RPS27A: variants seen among roughly 807,000 people sequenced by gnomAD.
RPS27A encodes the protein ubiquitin-ribosomal protein eS31 fusion protein.
Under a neutral mutation model 18.9 loss-of-function variants are expected in RPS27A, and 1 was observed. The ratio of observed to expected loss-of-function variants is 0.05; its 90% confidence interval spans 0.02 to 0.25. The LOEUF (loss-of-function observed/expected upper bound fraction) is 0.25. Ranked by LOEUF, RPS27A falls within the 10% of genes least tolerant of loss-of-function variation. The probability of loss-of-function intolerance (pLI) is 1.00; values close to 1 mark genes in which losing one functional copy is unlikely to be tolerated. For synonymous variants in RPS27A, 77 were observed against 63.7 expected (o/e 1.21, Z -0.99); for missense variants, 123 against 187.4 (o/e 0.66, Z 2.01).
At chr2:55,232,592 G>A, upstream of RPS27A, 1 of 593,152 alleles carries the variant, frequency 1.7e-6, no homozygotes, top group Non-Finnish European at 3.0e-6. Flanking sequence ...TTGGATTGTC[G>A]CTGGGACGGC....
chr2:55,233,278 G>C (rs1675587683), intron 2 of RPS27A, 85 bp from the exon 3 acceptor site: 1 of 1,148,938 alleles, frequency 8.7e-7, no homozygotes, highest in Non-Finnish European at 1.3e-6. Context: ...TCGCTGGTTC[G>C]GTTCAGTGGT....
At chr2:55,234,720 C>G in intron 4 of RPS27A, 111 bp from the exon 5 acceptor site, 1 of 1,259,852 alleles carries the variant, frequency 7.9e-7, no homozygotes. Context: ...CTGCAAGATT[C>G]CCTCAAATGT....
At chr2:55,235,363 G>T in intron 5 of RPS27A, 65 bp from the exon 6 acceptor site, 2 of 1,565,708 alleles carry the variant, frequency 1.3e-6, no homozygotes, top group Non-Finnish European at 8.8e-7. Flanking sequence ...AATATTTTGA[G>T]TCACTTAAAT....
intron 4 of RPS27A, 160 bp from the exon 5 acceptor site, chr2:55,234,671 C>A: frequency 1.3e-6 from 1 of 786,126 alleles, no homozygotes; most frequent in Non-Finnish European, 2.1e-6. Context: ...TCCCTATAAA[C>A]TGTCAGTTAA....
chr2:55,234,620 C>CT (rs1675699735), intron 4 of RPS27A: 1 of 610,828 alleles, frequency 1.6e-6, no homozygotes, highest in African/African-American at 1.8e-5. Flanking sequence ...ATGAATTTTG[C>CT]AAGTTGTATC....
rs1014530971 is a variant in RPS27A at position 55,233,087 on chromosome 2, G to A, written c.48+215G>A. 6 of 650,374 alleles carry A rather than the reference G, an allele frequency of 9.2e-6. No homozygotes were observed. In the African/African-American group the frequency reaches 1.1e-4, roughly 12 times the overall value. 40.3% of individuals were successfully genotyped at this position (650,374 alleles called of 1,614,324 possible). On this transcript the variant is annotated intron_variant, in intron 2 of 5. Coordinates refer to ENST00000272317, the MANE Select transcript of RPS27A (RefSeq NM_002954.6). Reference sequence around the variant, plus strand: ...GTCTCCTCTCGAGGGGTTCCAGCTAGTTAGTTAAAACGGAGGAGCTGCGGT... The same window carrying A: ...GTCTCCTCTCGAGGGGTTCCAGCTAATTAGTTAAAACGGAGGAGCTGCGGT...
chr2:55,233,585 G>A, intron 3 of RPS27A, 168 bp downstream of exon 3: 2 of 657,382 alleles, frequency 3.0e-6, no homozygotes, highest in Non-Finnish European at 2.8e-6. Flanking sequence ...ACAGTACCTA[G>A]ATTGGAATCC....
chr2:55,235,214 A>G (rs1675728429), intron 5 of RPS27A: 1 of 694,338 alleles, frequency 1.4e-6, no homozygotes, highest in Admixed American at 2.7e-5. Flanking sequence ...TTTGTCTACC[A>G]CTTGCAAAGC....
chr2:55,235,078 G>C (rs1022028112), intron 5 of RPS27A, 116 bp downstream of exon 5: 1 of 1,161,502 alleles, frequency 8.6e-7, no homozygotes, highest in Non-Finnish European at 1.2e-6. Context: ...ATCCCACTTT[G>C]GTTTAAATGA....
chr2:55,233,424 A>T lies in RPS27A; in HGVS notation c.103+7A>T. ...AAGATCCAGGATAAGGAAGGCAAGTAGTATTTTGTAGTTAAGAAAACTTAA... is the reference window on the plus strand; with the variant it reads ...AAGATCCAGGATAAGGAAGGCAAGTTGTATTTTGTAGTTAAGAAAACTTAA... On this transcript the variant is annotated splice_region_variant and intron_variant, in intron 3 of 5. Coordinates refer to ENST00000272317, the MANE Select transcript of RPS27A (RefSeq NM_002954.6). 1.2e-6 allele frequency: 2 copies of T among 1,608,912 alleles called. No individual in the cohort carries two copies. Among genetic ancestry groups the T allele is most frequent in the Non-Finnish European group, 1.7e-6 (2 of 1,175,728 alleles).
At chr2:55,233,464 G>A (rs1431149459) in intron 3 of RPS27A, 47 bp downstream of exon 3, 2 of 1,442,784 alleles carry the variant, frequency 1.4e-6, no homozygotes, top group Admixed American at 3.4e-5. Flanking sequence ...CGGAGACTTC[G>A]GCCTACCTGT....
intron 4 of RPS27A, 105 bp downstream of exon 4, chr2:55,234,309 G>T (rs1421363856): frequency 4.0e-5 from 33 of 814,898 alleles, no homozygotes; most frequent in Non-Finnish European, 6.7e-5. Flanking sequence ...ACCTAGGGTG[G>T]AGTGAGTGGC....
intron 4 of RPS27A, 52 bp downstream of exon 4, chr2:55,234,256 A>T (rs1394018284): frequency 2.9e-6 from 4 of 1,363,322 alleles, no homozygotes; most frequent in East Asian, 2.3e-5. Context: ...TTATTTTGGA[A>T]ATTTTTTATT....
At chr2:55,234,492 A>G (rs1441382492) in intron 4 of RPS27A, 2 of 551,010 alleles carry the variant, frequency 3.6e-6, no homozygotes, top group African/African-American at 3.8e-5. Flanking sequence ...GAGCCACTCC[A>G]TGTGGTGTAT....
upstream of RPS27A, chr2:55,232,646 C>T: frequency 4.4e-6 from 3 of 689,316 alleles, no homozygotes; most frequent in East Asian, 2.7e-5. Flanking sequence ...GGTCCTTCGG[C>T]GGGAGCTCCG....
chr2:55,235,124 G>C (rs1675722537), intron 5 of RPS27A, 162 bp downstream of exon 5: 4 of 841,180 alleles, frequency 4.8e-6, no homozygotes, highest in Non-Finnish European at 7.4e-6. Flanking sequence ...ACTTTCTGGG[G>C]TTTTTCCTGT....
intron 2 of RPS27A, 192 bp from the exon 3 acceptor site, chr2:55,233,171 C>G (rs539471097): frequency 4.5e-6 from 3 of 663,596 alleles, no homozygotes; most frequent in Admixed American, 4.8e-5. Context: ...GGCCGCCGCC[C>G]GCTCTGGGCT....
At chr2:55,234,433 C>T (rs1573831085) in intron 4 of RPS27A, 1 of 592,866 alleles carries the variant, frequency 1.7e-6, no homozygotes, top group Non-Finnish European at 3.0e-6. Flanking sequence ...AACTCCTGGG[C>T]ATAAGTGATC....
At chr2:55,235,357 T>G in intron 5 of RPS27A, 71 bp from the exon 6 acceptor site, 1 of 1,552,786 alleles carries the variant, frequency 6.4e-7, no homozygotes, top group Non-Finnish European at 8.9e-7. Flanking sequence ...AGCTTAAATA[T>G]TTTGAGTCAC....
Sources: allele counts gnomAD v4.1 joint callset, GRCh38; gene constraint gnomAD v4.1.1; transcripts MANE v1.5; gene names NCBI Gene and HGNC (gene_info 2026-07-23, HGNC 2026-07-21).